ADCY9: variants seen among roughly 807,000 people sequenced by gnomAD.
ADCY9 encodes adenylate cyclase type 9.
In ADCY9, 50 loss-of-function variants were observed where a neutral mutation model predicts 101.5. That is an observed-to-expected ratio of 0.49 (90% CI 0.39 to 0.62). The LOEUF is 0.62. ADCY9 is among the 20% of genes least tolerant of loss of function. ADCY9 has a pLI of 0.00. For missense variants in ADCY9, 1,662 were observed against 1,800.4 expected (o/e 0.92, Z 1.39); for synonymous variants, 905 against 769.3 (o/e 1.18, Z -2.92).
chr16:4,065,145 G>T (rs940264509), intron 2 of ADCY9, among the ~76,000 whole-genome samples: 5 of 152,126 alleles, frequency 3.3e-5, no homozygotes, highest in African/African-American at 1.2e-4. Context: ...ATTGGAAAAT[G>T]CCCCTCTCTC....
chr16:4,099,809 C>T (rs919654979), intron 2 of ADCY9, among the ~76,000 whole-genome samples: 5 of 152,200 alleles, frequency 3.3e-5, no homozygotes, highest in African/African-American at 1.2e-4. Flanking sequence ...CCCAACACTT[C>T]GGGAGGCCAA....
chr16:4,080,317 C>G (rs1312047225), intron 2 of ADCY9, among the ~76,000 whole-genome samples: 1 of 152,126 alleles, frequency 6.6e-6, no homozygotes, highest in Non-Finnish European at 1.5e-5. Context: ...GCTCTTGGTT[C>G]ACTGCAACCT....
At chr16:4,068,839 C>T (rs1023983950) in intron 2 of ADCY9, among the ~76,000 whole-genome samples, 1 of 151,370 alleles carries the variant, frequency 6.6e-6, no homozygotes, top group Admixed American at 6.6e-5. Flanking sequence ...AAACAATTCA[C>T]GGTGGCTCTT....
At chr16:4,088,674 C>T (rs2056954714) in intron 2 of ADCY9, among the ~76,000 whole-genome samples, 1 of 151,982 alleles carries the variant, frequency 6.6e-6, no homozygotes, top group African/African-American at 2.4e-5. Flanking sequence ...TGTAACAGCA[C>T]CGTCCACCTC....
intron 3 of ADCY9, among the ~76,000 whole-genome samples, chr16:3,996,254 C>T (rs986999990): frequency 1.3e-5 from 2 of 151,998 alleles, no homozygotes; most frequent in Admixed American, 1.3e-4. Context: ...CCCAGCCACT[C>T]GGGAGGCTGA....
chr16:4,091,380 C>T (rs562133068), intron 2 of ADCY9, among the ~76,000 whole-genome samples: 224 of 152,224 alleles, frequency 1.5e-3, no homozygotes, highest in Non-Finnish European at 2.6e-3. Flanking sequence ...AGCCCAAGTT[C>T]CTCATTTTAA....
chr16:4,047,009 AAAAC>A (rs2056669651), intron 2 of ADCY9, among the ~76,000 whole-genome samples: 1 of 149,438 alleles, frequency 6.7e-6, no homozygotes. Flanking sequence ...GACCCAATCT[AAAAC>A]AAAAAACAAA....
chr16:4,021,237 T>C (rs948515124), intron 2 of ADCY9, among the ~76,000 whole-genome samples: 7 of 152,184 alleles, frequency 4.6e-5, no homozygotes, highest in African/African-American at 1.7e-4. Flanking sequence ...CCAACCGCAT[T>C]GGGCTTGAAT....
chr16:4,043,218 A>G (rs1026342832), intron 2 of ADCY9, among the ~76,000 whole-genome samples: 5 of 152,266 alleles, frequency 3.3e-5, no homozygotes, highest in African/African-American at 9.6e-5. Context: ...GCGACAGAGC[A>G]AGACTCTGTC....
intron 7 of ADCY9, among the ~76,000 whole-genome samples, chr16:3,981,114 C>T (rs1480986701): frequency 1.3e-5 from 2 of 152,210 alleles, no homozygotes; most frequent in East Asian, 3.9e-4. Context: ...GGGCCTCTCC[C>T]AGGCTTGACG....
intron 5 of ADCY9, among the ~76,000 whole-genome samples, chr16:3,954,837 G>A (rs1047704931): frequency 6.6e-6 from 1 of 152,166 alleles, no homozygotes; most frequent in African/African-American, 2.4e-5. Context: ...GCCATTGGTT[G>A]GGAACACAGC....
chr16:4,083,977 G>A (rs1196778634), intron 2 of ADCY9, among the ~76,000 whole-genome samples: 8 of 152,150 alleles, frequency 5.3e-5, no homozygotes, highest in Admixed American at 2.6e-4. Flanking sequence ...TGAATTGTGT[G>A]ACATGTGAAT....
chr16:4,049,476 C>A (rs1459063702), intron 2 of ADCY9, among the ~76,000 whole-genome samples: 1 of 152,158 alleles, frequency 6.6e-6, no homozygotes, highest in Non-Finnish European at 1.5e-5. Flanking sequence ...ATAGTAAACA[C>A]CTTTGGCCAG....
intron 5 of ADCY9, among the ~76,000 whole-genome samples, chr16:3,954,158 C>A (rs2055895606): frequency 6.6e-6 from 1 of 152,196 alleles, no homozygotes; most frequent in South Asian, 2.1e-4. Context: ...CACTGACGCA[C>A]CCCGTCCAGT....
At chr16:4,102,323 T>C (rs1213093202) in intron 2 of ADCY9, among the ~76,000 whole-genome samples, 1 of 152,148 alleles carries the variant, frequency 6.6e-6, no homozygotes, top group Non-Finnish European at 1.5e-5. Flanking sequence ...AACCGAGAAT[T>C]AAGCCCGAAT....
chr16:4,112,580 AAACTATTACTTCTGCCATCTCTGATTGG>A (rs938720786), intron 2 of ADCY9, among the ~76,000 whole-genome samples: 2 of 152,092 alleles, frequency 1.3e-5, no homozygotes, highest in African/African-American at 2.4e-5. Flanking sequence ...TCTCTGATTG[AAACTATTACTTCTGCCATCTCTGATTGG>A]AACTATTAAT....
chr16:4,022,113 T>C (rs1390474860), intron 2 of ADCY9, among the ~76,000 whole-genome samples: 2 of 152,118 alleles, frequency 1.3e-5, no homozygotes, highest in African/African-American at 2.4e-5. Context: ...CACCGGAGCC[T>C]CCATGCTTCA....
At position 4,097,553 on chromosome 16, in the gene ADCY9, A is replaced by ATATTT. The variant is rs1382458827; in HGVS notation, c.1693+16196_1693+16197insAAATA. On this transcript the variant is annotated intron_variant, in intron 2 of 10. Coordinates refer to ENST00000294016, the MANE Select transcript of ADCY9 (RefSeq NM_001116.4). ...CATATATATATATATATATATATAT[A>ATATTT]TTTTTTTTTTTTTTTTTTAAGACAG... Among the ~76,000 whole-genome samples, 133 of 53,380 alleles carry ATATTT rather than the reference A, an allele frequency of 2.5e-3. 2 individuals carry two copies. The highest frequency in any genetic ancestry group is 9.9e-3 in the East Asian group (13 of 1,310). 35.0% of individuals were successfully genotyped at this position (53,380 alleles called of 152,430 possible).
Position 4,116,228 on chromosome 16 carries a change from C to T in ADCY9, c.-582G>A, listed in dbSNP as rs2141214825. On this transcript the variant is annotated 5_prime_UTR_variant, in exon 1 of 11. Transcript: ENST00000294016. ...GCGCGTGGAACCACGGACGCGGGCC[C>T]CTCGCCGGGCGGCGGTGCAGACGCT... The T allele has an allele frequency of 6.8e-6, 1 of 146,520 alleles. No individual in the cohort carries two copies. Among genetic ancestry groups the T allele is most frequent in the South Asian group, 2.1e-4 (1 of 4,832 alleles). The allele number at this position is 146,520 out of a possible 1,614,324, so 9.1% of individuals were successfully genotyped here. A position where few individuals can be genotyped will look rare whatever the true frequency, so the allele number is the denominator to read the frequency against.
Sources: allele counts gnomAD v4.1 joint callset (sites outside exome capture counted in the v4.1 genomes callset), GRCh38; gene constraint gnomAD v4.1.1; transcripts MANE v1.5; gene names NCBI Gene and HGNC (gene_info 2026-07-23, HGNC 2026-07-21).